The following MARCHF1 variants were observed in gnomAD, a reference collection of about 807,000 sequenced individuals.
The protein encoded by MARCHF1 is E3 ubiquitin-protein ligase MARCHF1.
In MARCHF1, 40 loss-of-function variants were observed where a neutral mutation model predicts 54.2. That is an observed-to-expected ratio of 0.74 (90% confidence interval 0.57 to 0.96). The LOEUF (loss-of-function observed/expected upper bound fraction) is 0.96, where lower values mean the gene tolerates loss of function less well. Ranked by LOEUF, MARCHF1 falls within the 40% of genes least tolerant of loss-of-function variation. The pLI is 0.00. For synonymous variants in MARCHF1, 236 were observed against 236.3 expected, an observed-to-expected ratio of 1.00 and a Z score of 0.01; for missense variants, 586 against 656.5, an observed-to-expected ratio of 0.89 and a Z score of 1.17.
At chr4:163,652,769 T>C in intron 5 of MARCHF1, among the ~76,000 whole-genome samples, 1 of 151,838 alleles carries the variant, frequency 6.6e-6, no homozygotes, top group East Asian at 1.9e-4. Flanking sequence ...GTGACCTCAT[T>C]TGTATGCACA....
chr4:164,022,581 C>T (rs1289794020), intron 2 of MARCHF1, among the ~76,000 whole-genome samples: 1 of 152,230 alleles, frequency 6.6e-6, no homozygotes, highest in Non-Finnish European at 1.5e-5. Flanking sequence ...CCTGTATCTA[C>T]CACAGACATT....
chr4:163,574,029 A>T (rs1414161043), intron 8 of MARCHF1, among the ~76,000 whole-genome samples: 2 of 151,956 alleles, frequency 1.3e-5, no homozygotes, highest in African/African-American at 4.8e-5. Flanking sequence ...ATGATATCTC[A>T]TTGTGGTTTT....
intron 3 of MARCHF1, among the ~76,000 whole-genome samples, chr4:163,949,607 G>A (rs903438435): frequency 2.6e-5 from 4 of 152,186 alleles, no homozygotes; most frequent in Non-Finnish European, 4.4e-5. Flanking sequence ...AAGATGAAGC[G>A]GGGCTTTACT....
intron 4 of MARCHF1, among the ~76,000 whole-genome samples, chr4:163,832,926 T>G (rs1235001109): frequency 6.6e-6 from 1 of 152,108 alleles, no homozygotes; most frequent in Non-Finnish European, 1.5e-5. Flanking sequence ...GAATTCATCA[T>G]TTTTTAAGGC....
At chr4:163,562,509 T>C (rs1006172080) in intron 8 of MARCHF1, among the ~76,000 whole-genome samples, 3 of 152,276 alleles carry the variant, frequency 2.0e-5, no homozygotes, top group Non-Finnish European at 2.9e-5. Flanking sequence ...CTGCTGCTTC[T>C]CATTCTCTTT....
At chr4:164,043,016 C>T (rs1336931925) in intron 2 of MARCHF1, among the ~76,000 whole-genome samples, 2 of 152,220 alleles carry the variant, frequency 1.3e-5, no homozygotes, top group South Asian at 2.1e-4. Flanking sequence ...CTCCATAGCT[C>T]TGTAAGGTAC....
chr4:163,591,532 C>CT (rs991268387), intron 7 of MARCHF1, among the ~76,000 whole-genome samples: 3 of 152,154 alleles, frequency 2.0e-5, no homozygotes, highest in African/African-American at 7.2e-5. Flanking sequence ...GGGGCAGGAT[C>CT]TTTTTGTGGA....
intron 1 of MARCHF1, among the ~76,000 whole-genome samples, chr4:164,147,976 T>C (rs923963729): frequency 6.6e-6 from 1 of 152,122 alleles, no homozygotes; most frequent in African/African-American, 2.4e-5. Context: ...TATTCAAATT[T>C]GCTGAAAATT....
chr4:163,769,865 A>G (rs1374567663), intron 4 of MARCHF1, among the ~76,000 whole-genome samples: 1 of 152,120 alleles, frequency 6.6e-6, no homozygotes, highest in African/African-American at 2.4e-5. Flanking sequence ...TTGAGCCACA[A>G]AGGTATGAAC....
intron 1 of MARCHF1, among the ~76,000 whole-genome samples, chr4:164,163,881 G>A (rs1325972832): frequency 6.6e-6 from 1 of 151,888 alleles, no homozygotes; most frequent in Non-Finnish European, 1.5e-5. Flanking sequence ...TAGAAAGTAT[G>A]TTCTCAGACT....
intron 5 of MARCHF1, among the ~76,000 whole-genome samples, chr4:163,641,009 T>C (rs1029445243): frequency 5.3e-5 from 8 of 151,314 alleles, no homozygotes; most frequent in Non-Finnish European, 8.8e-5. Flanking sequence ...CCTTCACTTA[T>C]AAATTCTGTT....
chr4:163,673,531 C>A (rs1380814764), intron 5 of MARCHF1, among the ~76,000 whole-genome samples: 4 of 151,820 alleles, frequency 2.6e-5, no homozygotes, highest in African/African-American at 9.7e-5. Context: ...AAGAAAGAAT[C>A]CTATTAAATA....
intron 8 of MARCHF1, among the ~76,000 whole-genome samples, chr4:163,573,372 T>C (rs1451405208): frequency 6.6e-6 from 1 of 151,362 alleles, no homozygotes; most frequent in African/African-American, 2.4e-5. Context: ...GCAGGTTAGT[T>C]ACACGTGTAT....
intron 1 of MARCHF1, among the ~76,000 whole-genome samples, chr4:164,205,948 C>A (rs952608005): frequency 6.6e-6 from 1 of 152,176 alleles, no homozygotes; most frequent in Middle Eastern, 3.4e-3. Flanking sequence ...TAACAATGAC[C>A]ATTAATAATA....
At chr4:163,638,659 C>G (rs185548959) in intron 5 of MARCHF1, among the ~76,000 whole-genome samples, 1 of 152,122 alleles carries the variant, frequency 6.6e-6, no homozygotes, top group Admixed American at 6.5e-5. Flanking sequence ...AATTCCACTC[C>G]CGGGTATCTA....
intron 5 of MARCHF1, among the ~76,000 whole-genome samples, chr4:163,653,174 A>G (rs145847701): frequency 0.015 from 2,272 of 151,800 alleles, 30 homozygotes; most frequent in Non-Finnish European, 0.024. Context: ...TGGAAAGAGC[A>G]CTCTAGGCAG....
chr4:163,633,979 T>G (rs1248733856), intron 5 of MARCHF1, among the ~76,000 whole-genome samples: 1 of 152,140 alleles, frequency 6.6e-6, no homozygotes, highest in South Asian at 2.1e-4. Flanking sequence ...ACCCAGAATT[T>G]CATATCCAGC....
chr4:163,903,597 TTC>T (rs755937182), intron 3 of MARCHF1, among the ~76,000 whole-genome samples: 1 of 106,358 alleles, frequency 9.4e-6, no homozygotes, highest in African/African-American at 4.3e-5. Context: ...ATTTTATTTT[TTC>T]TTTCTTTCTT....
Position 163,528,737 on chromosome 4 carries a change from A to C in MARCHF1, c.*11T>G, listed in dbSNP as rs758486361. On this transcript the variant is annotated 3_prime_UTR_variant, in exon 10 of 10. Transcript: ENST00000514618. ...GATATTCTTCGGTGAAGAAACTCCCAACAGGTTCCATCAGACTGATACAAC... is the reference window on the plus strand; with the variant it reads ...GATATTCTTCGGTGAAGAAACTCCCCACAGGTTCCATCAGACTGATACAAC... 12 of 1,596,632 alleles carry C rather than the reference A, an allele frequency of 7.5e-6. No homozygotes were observed. Among genetic ancestry groups the C allele is most frequent in the Non-Finnish European group, 1.0e-5 (12 of 1,170,028 alleles).
Sources: allele counts gnomAD v4.1 joint callset (sites outside exome capture counted in the v4.1 genomes callset), GRCh38; gene constraint gnomAD v4.1.1; transcripts MANE v1.5; gene names NCBI Gene and HGNC (gene_info 2026-07-23, HGNC 2026-07-21).